The following CASD1 variants were observed in gnomAD, a reference collection of about 807,000 sequenced individuals.
CASD1 encodes the protein CAS1 domain sialic acid O acetyltransferase 1, also known as N-acetylneuraminate (7)9-O-acetyltransferase.
CASD1 carries 41 observed loss-of-function variants against 100.0 expected under a neutral mutation model. The ratio of observed to expected loss-of-function variants is 0.41; its 90% CI spans 0.32 to 0.53. The LOEUF (loss-of-function observed/expected upper bound fraction) is 0.53. Ranked by LOEUF, CASD1 falls within the 20% of genes least tolerant of loss-of-function variation. The pLI, the probability that CASD1 is intolerant of heterozygous loss-of-function variation, is 0.25. For synonymous variants in CASD1, 321 were observed against 315.6 expected, an observed-to-expected ratio of 1.02 and a Z score of -0.18; for missense variants, 774 against 948.7, an observed-to-expected ratio of 0.82 and a Z score of 2.42.
chr7:94,537,649 A>G lies in CASD1; in HGVS notation c.1021A>G (p.Asn341Asp), dbSNP rs1187936321. 1 of 1,613,920 alleles carries G rather than the reference A, an allele frequency of 6.2e-7. No homozygotes were observed. Among genetic ancestry groups the G allele is most frequent in the Non-Finnish European group, 8.5e-7 (1 of 1,179,884 alleles). ...YIIHRNAHRKNKPCTDLESGE... is the reference protein window; with the variant it reads ...YIIHRNAHRKDKPCTDLESGE... ...AATTCATCGTAATGCTCATCGGAAGAATAAGCCGTGTACTGATTTGGAAAG... is the reference window on the plus strand; with the variant it reads ...AATTCATCGTAATGCTCATCGGAAGGATAAGCCGTGTACTGATTTGGAAAG... The change falls in exon 9 of 18, where the codon AAT becomes GAT. Residue 341 changes from asparagine to aspartate, a missense_variant. This residue lies in a region of CASD1 where 453 missense variants were observed against 532.6 expected (regional missense o/e 0.85). Coordinates refer to ENST00000297273, the MANE Select transcript of CASD1 (RefSeq NM_022900.5).
At chr7:94,590,503 T>C in the CASD1 span, 1 of 152,218 alleles carries the variant, frequency 6.6e-6, no homozygotes, top group African/African-American at 2.4e-5. Context: ...AACTTACAGA[T>C]TTAGTTTCAC....
the CASD1 span, among the ~76,000 whole-genome samples, chr7:94,632,331 T>G: frequency 6.6e-6 from 1 of 152,094 alleles, no homozygotes; most frequent in Admixed American, 6.6e-5. Flanking sequence ...AGAACTTGCA[T>G]AGAACATCTC....
Position 94,554,516 on chromosome 7 carries a change from G to T in CASD1, c.2068G>T (p.Gly690Ter), listed in dbSNP as rs1275117563. The T allele has an allele frequency of 1.2e-5, 20 of 1,611,636 alleles. No homozygotes were observed. Among genetic ancestry groups the T allele is most frequent in the Non-Finnish European group, 1.7e-5 (20 of 1,178,606 alleles). Residue 690 changes from glycine (G) to a stop codon, truncating the protein, a stop_gained, in exon 17 of 18, where the codon GGA (glycine) becomes TGA (stop). Transcript: ENST00000297273. LOFTEE classifies it high-confidence loss of function. ...LAFILIRNIP[G>*]YARSVYSSFF... ...CTTCATCCTAATAAGAAACATCCCTGGATATGCCCGTTCAGTTTACAGTTC... is the reference window on the plus strand; with the variant it reads ...CTTCATCCTAATAAGAAACATCCCTTGATATGCCCGTTCAGTTTACAGTTC...
At chr7:94,564,765 A>G in the CASD1 span, among the ~76,000 whole-genome samples, 28 of 152,154 alleles carry the variant, frequency 1.8e-4, no homozygotes, top group Middle Eastern at 3.2e-3. Context: ...ATAGTTGTCA[A>G]AAAGGCTGGT....
At chr7:94,567,211 G>A in the CASD1 span, among the ~76,000 whole-genome samples, 1 of 151,834 alleles carries the variant, frequency 6.6e-6, no homozygotes, top group Non-Finnish European at 1.5e-5. Context: ...GATTGTCAGA[G>A]GCTAGAACTC....
chr7:94,539,211 C>G (rs999723314), intron 10 of CASD1, among the ~76,000 whole-genome samples, 155 bp downstream of exon 10: 2 of 152,086 alleles, frequency 1.3e-5, no homozygotes, highest in African/African-American at 4.8e-5. Flanking sequence ...TTTTTCTCCT[C>G]TTTGAGAAAA....
At chr7:94,612,037 T>A in the CASD1 span, among the ~76,000 whole-genome samples, 1 of 152,222 alleles carries the variant, frequency 6.6e-6, no homozygotes, top group African/African-American at 2.4e-5. Context: ...TACATTCAGT[T>A]TCTATCCTTT....
At chr7:94,510,253 G>T (rs759708435) in intron 1 of CASD1, 36 bp downstream of exon 1, 248 of 1,374,828 alleles carry the variant, frequency 1.8e-4, no homozygotes, top group Non-Finnish European at 2.2e-4. Flanking sequence ...GGCAGGCCGT[G>T]GGGGAGGCGG....
At chr7:94,574,023 A>C in the CASD1 span, among the ~76,000 whole-genome samples, 1 of 152,258 alleles carries the variant, frequency 6.6e-6, no homozygotes, top group East Asian at 1.9e-4. Flanking sequence ...TTATGTGATT[A>C]ATCACATTTA....
the CASD1 span, chr7:94,619,066 G>A: frequency 1.1e-5 from 9 of 785,694 alleles, no homozygotes; most frequent in East Asian, 1.8e-4. Flanking sequence ...CTGGCAGCAG[G>A]AAGCAATATT....
chr7:94,604,666 A>G, the CASD1 span, among the ~76,000 whole-genome samples: 7 of 151,490 alleles, frequency 4.6e-5, no homozygotes, highest in African/African-American at 1.7e-4. Flanking sequence ...ATGGTGCTGG[A>G]AAAACTGGAT....
At chr7:94,538,932 T>C in intron 9 of CASD1, 35 bp from the exon 10 acceptor site, 1 of 1,146,580 alleles carries the variant, frequency 8.7e-7, no homozygotes, top group Non-Finnish European at 1.3e-6. Context: ...TTCTTCATGA[T>C]AAATTTTAAA....
intron 13 of CASD1, among the ~76,000 whole-genome samples, chr7:94,549,070 T>C (rs1473980809): frequency 1.3e-5 from 2 of 151,976 alleles, no homozygotes; most frequent in Non-Finnish European, 2.9e-5. Context: ...ATTTGGAGAA[T>C]GATAACTATA....
rs1307981988 is a variant in CASD1 at position 94,531,486 on chromosome 7, CTG to C, written c.460-1717_460-1716del. Among the ~76,000 whole-genome samples the C allele has an allele frequency of 2.0e-5, 3 of 151,926 alleles. No individual in the cohort carries two copies. In the East Asian group the frequency reaches 5.8e-4, roughly 29 times the overall value. ...ATGCTGAGAAGGAGGGCAGGAGAGA[CTG>C]TATATGGAATGTAAGGTTTGGGATA... On this transcript the variant is annotated intron_variant, in intron 5 of 17. Coordinates refer to ENST00000297273, the MANE Select transcript of CASD1 (RefSeq NM_022900.5).
the CASD1 span, among the ~76,000 whole-genome samples, chr7:94,570,039 T>A: frequency 1.3e-5 from 2 of 151,718 alleles, no homozygotes; most frequent in African/African-American, 2.4e-5. Flanking sequence ...GGTCTTGATC[T>A]CCTGACCTTG....
intron 10 of CASD1, among the ~76,000 whole-genome samples, chr7:94,542,015 T>C (rs1487895850): frequency 2.0e-5 from 3 of 152,186 alleles, no homozygotes; most frequent in African/African-American, 2.4e-5. Flanking sequence ...AAAGTTGCAA[T>C]AGGCCAACAT....
the CASD1 span, chr7:94,599,433 T>A: frequency 8.1e-5 from 37 of 455,618 alleles, 1 homozygote; most frequent in Admixed American, 1.2e-3. Context: ...GGAAATCACA[T>A]AATATAAATG....
Position 94,555,968 on chromosome 7 carries a change from A to G in CASD1, c.*210A>G, listed in dbSNP as rs1482565200. 12 of 518,662 alleles carry G rather than the reference A, an allele frequency of 2.3e-5. No homozygotes were observed. In the Admixed American group the frequency reaches 3.9e-4, roughly 17 times the overall value. 32.1% of individuals were successfully genotyped at this position (518,662 alleles called of 1,614,324 possible). On this transcript the variant is annotated 3_prime_UTR_variant, in exon 18 of 18. Transcript: ENST00000297273. ...AAATACTAAAACAAACAAACAAACA[A>G]AAAACCAGAATGCATTGTATAGGAT...
chr7:94,544,200 A>C (rs1033348590), intron 10 of CASD1, among the ~76,000 whole-genome samples: 6 of 152,212 alleles, frequency 3.9e-5, no homozygotes, highest in Non-Finnish European at 8.8e-5. Flanking sequence ...AGAAAGTGGC[A>C]GAACTAGAAT....
Sources: allele counts gnomAD v4.1 joint callset (sites outside exome capture counted in the v4.1 genomes callset), GRCh38; gene constraint gnomAD v4.1.1; regional missense constraint gnomAD v4.1.1; transcripts MANE v1.5; gene names NCBI Gene and HGNC (gene_info 2026-07-23, HGNC 2026-07-21).